The following TMCC1 variants were observed in gnomAD, a reference collection of about 807,000 sequenced individuals.
TMCC1 encodes transmembrane and coiled-coil domains protein 1.
TMCC1 carries 15 observed loss-of-function variants against 52.4 expected under a neutral mutation model. The observed-to-expected ratio is 0.29, with a 90% confidence interval of 0.19 to 0.44. TMCC1 has a LOEUF of 0.44. Ranked by LOEUF, TMCC1 falls within the 20% of genes least tolerant of loss-of-function variation. The pLI, the probability that TMCC1 is intolerant of heterozygous loss-of-function variation, is 1.00. For missense variants in TMCC1, 503 were observed against 806.0 expected, an observed-to-expected ratio of 0.62 and a Z score of 4.55; for synonymous variants, 279 against 301.9, an observed-to-expected ratio of 0.92 and a Z score of 0.79.
rs369186834 is a variant in TMCC1, at chr3:129,797,053, C to T, written c.576+30750G>A. Among the ~76,000 whole-genome samples, 4 of 152,246 alleles carry T rather than the reference C, an allele frequency of 2.6e-5. 1 individual carries two copies. The South Asian group carries it at 8.3e-4, about 32-fold the overall frequency. ...AAAAATAACACACATAGGCCAGGCG[C>T]GGTGGCTCACGCCTGTAATCCCAGC... is the stretch of plus-strand genomic sequence containing the variant. On this transcript the variant is annotated intron_variant, in intron 4 of 6. Transcript: ENST00000393238.
intron 2 of TMCC1, chr3:129,848,264 T>G (rs1017552107): frequency 6.6e-6 from 1 of 152,220 alleles, no homozygotes; most frequent in Non-Finnish European, 1.5e-5. Flanking sequence ...CTCCTGTATT[T>G]TCTTTCTGAC....
chr3:129,836,862 A>G (rs2059183431), intron 2 of TMCC1, among the ~76,000 whole-genome samples: 1 of 152,232 alleles, frequency 6.6e-6, no homozygotes, highest in Non-Finnish European at 1.5e-5. Flanking sequence ...TGCAGGGGGA[A>G]GCAGAGAGGA....
rs546756169 is a variant in TMCC1 at position 129,716,712 on chromosome 3, G to A, written c.577-45448C>T. Reference sequence around the variant, plus strand: ...CCAGTGATTGCCACCTCAACTGCCCGGCAGATAAAGCACCCTCACCTGTTT... The same window carrying A: ...CCAGTGATTGCCACCTCAACTGCCCAGCAGATAAAGCACCCTCACCTGTTT... On this transcript the variant is annotated intron_variant, in intron 4 of 6. Coordinates refer to ENST00000393238, the MANE Select transcript of TMCC1 (RefSeq NM_001017395.5). Among the ~76,000 whole-genome samples, 13 of 152,032 alleles carry A rather than the reference G, an allele frequency of 8.6e-5. 1 individual carries two copies. In the South Asian group the frequency reaches 2.1e-3, roughly 24 times the overall value.
intron 4 of TMCC1, among the ~76,000 whole-genome samples, chr3:129,720,943 T>G (rs905428578): frequency 6.6e-6 from 1 of 152,162 alleles, no homozygotes; most frequent in Non-Finnish European, 1.5e-5. Flanking sequence ...TCCTCTTGCC[T>G]CAGCCTCCTG....
intron 4 of TMCC1, among the ~76,000 whole-genome samples, chr3:129,792,578 AGTTT>A (rs2056553199): frequency 6.6e-6 from 1 of 152,092 alleles, no homozygotes; most frequent in South Asian, 2.1e-4. Context: ...CCATTTGCTG[AGTTT>A]GTTTTTTAAA....
chr3:129,853,338 A>C (rs1295334156), intron 2 of TMCC1, among the ~76,000 whole-genome samples: 2 of 152,198 alleles, frequency 1.3e-5, no homozygotes, highest in African/African-American at 4.8e-5. Flanking sequence ...TCTTAAGAAT[A>C]AAATGGCTGG....
At chr3:129,721,193 T>C (rs1443503385) in intron 4 of TMCC1, among the ~76,000 whole-genome samples, 1 of 152,216 alleles carries the variant, frequency 6.6e-6, no homozygotes. Context: ...CCTGGAATGC[T>C]CATTCCTCAG....
chr3:129,666,542 C>T (rs922695924), intron 5 of TMCC1, among the ~76,000 whole-genome samples: 2 of 151,948 alleles, frequency 1.3e-5, no homozygotes, highest in African/African-American at 4.8e-5. Context: ...AGTTCGAGAC[C>T]AGCCTGGCTA....
chr3:129,849,440 C>A (rs1238436336), intron 2 of TMCC1, among the ~76,000 whole-genome samples: 4 of 149,678 alleles, frequency 2.7e-5, no homozygotes, highest in Non-Finnish European at 5.9e-5. Context: ...CCAACCTGGG[C>A]AACAGAGCGA....
At chr3:129,865,908 G>A (rs566000016) in intron 2 of TMCC1, among the ~76,000 whole-genome samples, 17 of 152,076 alleles carry the variant, frequency 1.1e-4, no homozygotes, top group Non-Finnish European at 1.9e-4. Flanking sequence ...AGGAACCAGC[G>A]GGATCTCAAA....
At chr3:129,796,320 C>T (rs369622034) in intron 4 of TMCC1, among the ~76,000 whole-genome samples, 1 of 152,116 alleles carries the variant, frequency 6.6e-6, no homozygotes, top group Admixed American at 6.5e-5. Context: ...GGACACTCTA[C>T]GATGTTCTCA....
intron 4 of TMCC1, among the ~76,000 whole-genome samples, chr3:129,781,490 C>A (rs185074728): frequency 3.3e-5 from 5 of 152,262 alleles, no homozygotes; most frequent in Admixed American, 3.3e-4. Context: ...GCTCTCAGAA[C>A]GGTTGTATAT....
chr3:129,785,379 GA>G (rs947380594), intron 4 of TMCC1, among the ~76,000 whole-genome samples: 1 of 152,056 alleles, frequency 6.6e-6, no homozygotes, highest in Non-Finnish European at 1.5e-5. Context: ...AAAATTTCTT[GA>G]AGTCCCAAAG....
At chr3:129,746,691 T>C (rs2052007347) in intron 4 of TMCC1, among the ~76,000 whole-genome samples, 2 of 152,212 alleles carry the variant, frequency 1.3e-5, no homozygotes, top group African/African-American at 4.8e-5. Context: ...TGGAGCAATA[T>C]AAGGAATATC....
chr3:129,811,200 A>G (rs943919102), intron 4 of TMCC1, among the ~76,000 whole-genome samples: 4 of 152,212 alleles, frequency 2.6e-5, no homozygotes, highest in Admixed American at 2.0e-4. Flanking sequence ...AAGCTTACAA[A>G]GAAATGCTCA....
intron 2 of TMCC1, among the ~76,000 whole-genome samples, chr3:129,836,945 C>T (rs1328120209): frequency 6.6e-6 from 1 of 152,170 alleles, no homozygotes; most frequent in South Asian, 2.1e-4. Flanking sequence ...ACCAAACCAG[C>T]CTATTTCCCT....
intron 2 of TMCC1, among the ~76,000 whole-genome samples, chr3:129,841,423 C>T (rs1560526942): frequency 1.3e-5 from 2 of 152,052 alleles, no homozygotes; most frequent in South Asian, 2.1e-4. Context: ...TCCGTTTCCA[C>T]TAAAAATACA....
At chr3:129,810,062 T>A (rs1362978069) in intron 4 of TMCC1, among the ~76,000 whole-genome samples, 1 of 152,138 alleles carries the variant, frequency 6.6e-6, no homozygotes. Flanking sequence ...TACAGAACTA[T>A]GAGCAAAAAT....
rs890422517 is a variant in TMCC1, at chr3:129,750,428, G to A, written c.576+77375C>T. On this transcript the variant is annotated intron_variant, in intron 4 of 6. Coordinates refer to ENST00000393238, the MANE Select transcript of TMCC1 (RefSeq NM_001017395.5). The stretch of plus-strand genomic sequence containing the variant: ...GCTGGTCTTGAACTCCTGACCTCAG[G>A]CAATCCACCTGCCTCACCCTCCCAA... Among the ~76,000 whole-genome samples, 4 of 151,970 alleles carry A rather than the reference G, an allele frequency of 2.6e-5. No individual in the cohort carries two copies. In the East Asian group the frequency reaches 5.8e-4, roughly 22 times the overall value.
Sources: gnomAD v4.1 joint callset for allele counts (sites outside exome capture counted in the v4.1 genomes callset) on GRCh38, gnomAD v4.1.1 for gene constraint, MANE v1.5 for transcripts, NCBI Gene and HGNC (gene_info 2026-07-23, HGNC 2026-07-21) for gene names.